The following DHCR24 variants were observed in gnomAD, a reference collection of about 807,000 sequenced individuals.
DHCR24 encodes 24-dehydrocholesterol reductase.
A neutral mutation model predicts 61.2 loss-of-function variants in DHCR24; 28 were observed. The observed-to-expected ratio is 0.46, with a 90% CI of 0.34 to 0.63. The LOEUF is 0.63. Among genes scored for constraint, DHCR24 ranks in the 20% least tolerant of loss-of-function variants. The pLI is 0.01. For synonymous variants in DHCR24, 261 were observed against 275.9 expected, an observed-to-expected ratio of 0.95 and a Z score of 0.54; for missense variants, 538 against 679.1, an observed-to-expected ratio of 0.79 and a Z score of 2.31.
intron 6 of DHCR24, among the ~76,000 whole-genome samples, chr1:54,860,530 C>T (rs1646930052): frequency 6.6e-6 from 1 of 152,178 alleles, no homozygotes; most frequent in Admixed American, 6.5e-5. Context: ...GTTCCTCCCC[C>T]ATGCCCAGAA....
In DHCR24 at chr1:54,879,322, G is replaced by GGGAAAAAAAAAAAAAAAAAAAAAAAAC. The variant is rs1647052099; in HGVS notation, c.388-3276_388-3275insGTTTTTTTTTTTTTTTTTTTTTTTTCC. Among the ~76,000 whole-genome samples, 2 of 108,536 alleles carry GGGAAAAAAAAAAAAAAAAAAAAAAAAC rather than the reference G, an allele frequency of 1.8e-5. 1 individual carries two copies. Among genetic ancestry groups the GGGAAAAAAAAAAAAAAAAAAAAAAAAC allele is most frequent in the Non-Finnish European group, 3.5e-5 (2 of 56,340 alleles). The allele number at this position is 108,536 out of a possible 152,430, so 71.2% of individuals were successfully genotyped here. ...TGGAGGACAGAGCAAGACTCCATCT[G>GGGAAAAAAAAAAAAAAAAAAAAAAAAC]AAAAAAAAAAAAAAAAAAAAAAAAA... On this transcript the variant is annotated intron_variant, in intron 2 of 8. Coordinates refer to ENST00000371269, the MANE Select transcript of DHCR24 (RefSeq NM_014762.4).
chr1:54,860,025 G>C (rs995537804), intron 6 of DHCR24, among the ~76,000 whole-genome samples: 5 of 152,054 alleles, frequency 3.3e-5, no homozygotes, highest in Admixed American at 6.5e-5. Context: ...TAATGGGTGT[G>C]GGGGAGACCC....
chr1:54,852,533 T>C, intron 8 of DHCR24, 147 bp from the exon 9 acceptor site: 2 of 919,602 alleles, frequency 2.2e-6, no homozygotes, highest in Non-Finnish European at 1.7e-6. Context: ...AAGAAGATGG[T>C]GCAGGTATTC....
At chr1:54,868,842 C>T (rs1487735119) in intron 5 of DHCR24, among the ~76,000 whole-genome samples, 3 of 152,046 alleles carry the variant, frequency 2.0e-5, no homozygotes, top group South Asian at 2.1e-4. Context: ...CCGAGGCAGG[C>T]GATCACCTGA....
Position 54,850,962 on chromosome 1 carries a change from A to G in DHCR24, c.*1271T>C, listed in dbSNP as rs997154979. On this transcript the variant is annotated 3_prime_UTR_variant, in exon 9 of 9. Transcript: ENST00000371269. ...CTCCCTTAATTCCAGCTTCCCTTAC[A>G]TGACGCAATTCCTTCTCAGATTCGG... 2 of 152,380 alleles carry G rather than the reference A, an allele frequency of 1.3e-5. No homozygotes were observed. The highest frequency in any genetic ancestry group is 2.9e-5 in the Non-Finnish European group (2 of 68,030). 9.4% of individuals were successfully genotyped at this position (152,380 alleles called of 1,614,324 possible). A position where few individuals can be genotyped will look rare whatever the true frequency, so the allele number is the denominator to read the frequency against.
Position 54,857,085 on chromosome 1 carries a change from C to T in DHCR24, c.1021-2851G>A, listed in dbSNP as rs115057271. On this transcript the variant is annotated intron_variant, in intron 6 of 8. Coordinates refer to ENST00000371269, the MANE Select transcript of DHCR24 (RefSeq NM_014762.4). ...TCCAAATATATCAGCTGAAACCATT[C>T]CTTTTCCAGTCTTAGCCTCAGAAAG... Among the ~76,000 whole-genome samples the T allele has an allele frequency of 7.2e-3, 1,093 of 152,354 alleles. 11 individuals carry two copies. The highest frequency in any genetic ancestry group is 0.011 in the Non-Finnish European group (774 of 68,038).
Position 54,852,225 on chromosome 1 carries a change from G to GC in DHCR24, c.*7dup. The stretch of plus-strand genomic sequence containing the variant: ...CACACGTGTCTGTCTCTCCAGGCGG[G>GC]CTCCAGCTCAGTGCCTGGCGGCCTT... On this transcript the variant is annotated 3_prime_UTR_variant, in exon 9 of 9. Coordinates refer to ENST00000371269, the MANE Select transcript of DHCR24 (RefSeq NM_014762.4). The GC allele has an allele frequency of 6.2e-7, 1 of 1,614,158 alleles. No homozygotes were observed. Among genetic ancestry groups the GC allele is most frequent in the Non-Finnish European group, 8.5e-7 (1 of 1,180,040 alleles).
intron 1 of DHCR24, 114 bp downstream of exon 1, chr1:54,886,775 C>A (rs538320175): frequency 2.6e-5 from 39 of 1,518,302 alleles, no homozygotes; most frequent in Admixed American, 1.0e-4. Context: ...TCCCCACCCC[C>A]CCAGGAAGTC....
At chr1:54,871,190 A>G (rs1339872432) in intron 5 of DHCR24, among the ~76,000 whole-genome samples, 160 bp downstream of exon 5, 1 of 152,192 alleles carries the variant, frequency 6.6e-6, no homozygotes, top group African/African-American at 2.4e-5. Context: ...TGTCTAATAC[A>G]TTTCTGATGA....
intron 2 of DHCR24, among the ~76,000 whole-genome samples, chr1:54,882,951 A>C (rs1647072451): frequency 6.6e-6 from 1 of 152,030 alleles, no homozygotes. Context: ...TAAGAGTTTT[A>C]CCACACTTTA....
chr1:54,860,289 GC>G (rs1265157972), intron 6 of DHCR24, among the ~76,000 whole-genome samples: 1 of 152,098 alleles, frequency 6.6e-6, no homozygotes, highest in African/African-American at 2.4e-5. Flanking sequence ...GACTTCACTT[GC>G]CACTGCCCCA....
chr1:54,865,708 C>G (rs559519723), intron 5 of DHCR24, among the ~76,000 whole-genome samples: 1 of 152,274 alleles, frequency 6.6e-6, no homozygotes, highest in Non-Finnish European at 1.5e-5. Context: ...GAGAACTCAG[C>G]GACCCCGCCT....
intron 5 of DHCR24, among the ~76,000 whole-genome samples, chr1:54,866,496 G>A (rs1193455135): frequency 1.3e-5 from 2 of 152,030 alleles, no homozygotes; most frequent in South Asian, 2.1e-4. Flanking sequence ...CATCTTACAC[G>A]TACTGTTTGC....
intron 3 of DHCR24, 59 bp downstream of exon 3, chr1:54,875,883 C>T (rs1336022626): frequency 2.8e-6 from 4 of 1,423,750 alleles, no homozygotes; most frequent in East Asian, 2.3e-5. Flanking sequence ...GGCCAAGGCC[C>T]ATCAGCTCCG....
intron 2 of DHCR24, among the ~76,000 whole-genome samples, chr1:54,881,263 A>C (rs1199406952): frequency 1.3e-5 from 2 of 152,392 alleles, no homozygotes; most frequent in East Asian, 3.9e-4. Flanking sequence ...TCTAATATCC[A>C]GCATCAATAA....
chr1:54,878,626 T>C (rs1482640548), intron 2 of DHCR24, among the ~76,000 whole-genome samples: 2 of 151,252 alleles, frequency 1.3e-5, no homozygotes, highest in Non-Finnish European at 2.9e-5. Flanking sequence ...AACTTGATGA[T>C]TCACAGGGCA....
chr1:54,856,350 C>T (rs181164534), intron 6 of DHCR24, among the ~76,000 whole-genome samples: 142 of 152,310 alleles, frequency 9.3e-4, no homozygotes, highest in Middle Eastern at 3.4e-3. Flanking sequence ...GTAATCCCAG[C>T]GCTTTGGGAG....
chr1:54,862,654 A>G lies in DHCR24; in HGVS notation c.1020+2649T>C, dbSNP rs117570315. On this transcript the variant is annotated intron_variant, in intron 6 of 8. Transcript: ENST00000371269. ...ATTTCTCTGTGGCTGAGAAATGTGT[A>G]TATAGGGCTCCAACCTCCACTGAAC... Among the ~76,000 whole-genome samples, 6 of 152,238 alleles carry G rather than the reference A, an allele frequency of 3.9e-5. No individual in the cohort carries two copies. The East Asian group carries it at 7.7e-4, about 20-fold the overall frequency.
intron 3 of DHCR24, 104 bp downstream of exon 3, chr1:54,875,838 T>C: frequency 1.1e-6 from 1 of 884,762 alleles, no homozygotes; most frequent in South Asian, 1.4e-5. Context: ...CTGTCACAGA[T>C]GGAATAGCGG....
Sources: allele counts gnomAD v4.1 joint callset (sites outside exome capture counted in the v4.1 genomes callset), GRCh38; gene constraint gnomAD v4.1.1; transcripts MANE v1.5; gene names NCBI Gene and HGNC (gene_info 2026-07-23, HGNC 2026-07-21).